DNER: variants seen among roughly 807,000 people sequenced by gnomAD.
DNER encodes the protein delta and Notch-like epidermal growth factor-related receptor.
Under a neutral mutation model 78.2 loss-of-function variants are expected in DNER, and 33 were observed. That is an observed-to-expected ratio of 0.42 (90% CI 0.32 to 0.56). The LOEUF is 0.56. Among genes scored for constraint, DNER ranks in the 20% least tolerant of loss-of-function variants. The probability of loss-of-function intolerance (pLI) is 0.11; values close to 1 mark genes in which losing one functional copy is unlikely to be tolerated. For synonymous variants in DNER, 417 were observed against 384.8 expected (o/e 1.08, Z -0.98); for missense variants, 918 against 975.3 (o/e 0.94, Z 0.78).
At chr2:229,377,389 A>G (rs527993016) in intron 11 of DNER, among the ~76,000 whole-genome samples, 1 of 152,264 alleles carries the variant, frequency 6.6e-6, no homozygotes, top group South Asian at 2.1e-4. Context: ...ACACACCAAC[A>G]CTGCTATGTC....
chr2:229,626,971 G>T (rs570649369), intron 1 of DNER, among the ~76,000 whole-genome samples: 3 of 152,328 alleles, frequency 2.0e-5, no homozygotes, highest in East Asian at 1.9e-4. Flanking sequence ...TATCAATCAC[G>T]TTGGAAAACT....
chr2:229,458,128 T>A, intron 7 of DNER, among the ~76,000 whole-genome samples: 2 of 50,032 alleles, frequency 4.0e-5, no homozygotes, highest in African/African-American at 9.6e-5. Flanking sequence ...AGAGCAAGAC[T>A]CTATCTCAAA....
chr2:229,569,454 A>G (rs1315541913), intron 4 of DNER, among the ~76,000 whole-genome samples: 1 of 152,162 alleles, frequency 6.6e-6, no homozygotes, highest in Non-Finnish European at 1.5e-5. Context: ...CCTGGGAGGC[A>G]GAGGTTGCAG....
chr2:229,587,621 C>T (rs921950344), intron 3 of DNER, among the ~76,000 whole-genome samples: 1 of 152,220 alleles, frequency 6.6e-6, no homozygotes, highest in Non-Finnish European at 1.5e-5. Context: ...TAAAAATCCC[C>T]AAAGACTGGA....
At chr2:229,635,949 T>A (rs908179146) in intron 1 of DNER, among the ~76,000 whole-genome samples, 12 of 151,696 alleles carry the variant, frequency 7.9e-5, no homozygotes, top group Non-Finnish European at 1.2e-4. Flanking sequence ...TTATATATAT[T>A]TTTTATATTG....
intron 1 of DNER, among the ~76,000 whole-genome samples, chr2:229,697,771 A>G (rs1211219468): frequency 2.0e-5 from 3 of 152,222 alleles, no homozygotes; most frequent in Non-Finnish European, 4.4e-5. Flanking sequence ...GCAGCCCTTC[A>G]TCAGGAGAAC....
intron 8 of DNER, among the ~76,000 whole-genome samples, chr2:229,443,296 T>G (rs1694274567): frequency 6.6e-6 from 1 of 152,190 alleles, no homozygotes; most frequent in Non-Finnish European, 1.5e-5. Context: ...ACAGCTATTA[T>G]CTGCAGAGGC....
In DNER at chr2:229,588,441, C is replaced by G. The variant is rs200771367; in HGVS notation, c.633G>C (p.Ala211=). The G allele has an allele frequency of 2.5e-6, 4 of 1,607,412 alleles. No individual in the cohort carries two copies. Among genetic ancestry groups the G allele is most frequent in the South Asian group, 2.2e-5 (2 of 90,776 alleles). Residue 211 remains alanine, a synonymous_variant, in exon 3 of 13, where the codon GCG becomes GCC. Coordinates refer to ENST00000341772, the MANE Select transcript of DNER (RefSeq NM_139072.4). ...CTTCAAAGGATACCAGGCGGCCACCCGCAGAGCTGTTAGAACTGGCATTCC... is the reference window on the plus strand; with the variant it reads ...CTTCAAAGGATACCAGGCGGCCACCGGCAGAGCTGTTAGAACTGGCATTCC... ...ACGNASSNSS[A]GGRLVSFEVP...
Position 229,447,379 on chromosome 2 carries a change from T to C in DNER, c.1423A>G (p.Ser475Gly), listed in dbSNP as rs1402064893. ...CAQLIDFCAL[S>G]PCAHGTCRSV... ...CGGCACGTGCCATGAGCACAGGGGC[T>C]GAGGGCACAGAAGTCAATAAGCTGG... Residue 475 changes from serine (S) to glycine (G), a missense_variant, in exon 8 of 13, where the codon AGC becomes GGC. By Grantham distance (56) the Ser-to-Gly change is moderately conservative. Transcript: ENST00000341772. 3.7e-6 allele frequency: 6 copies of C among 1,613,102 alleles called. No homozygotes were observed. The highest frequency in any genetic ancestry group is 1.3e-5 in the African/African-American group (1 of 75,032).
intron 1 of DNER, among the ~76,000 whole-genome samples, chr2:229,706,962 CTG>C (rs1559216357): frequency 1.3e-5 from 2 of 152,130 alleles, no homozygotes; most frequent in Admixed American, 6.5e-5. Flanking sequence ...GGGATGAGAA[CTG>C]TGCTTTGGCC....
chr2:229,528,832 T>C (rs1244538516), intron 5 of DNER, among the ~76,000 whole-genome samples: 1 of 152,176 alleles, frequency 6.6e-6, no homozygotes, highest in African/African-American at 2.4e-5. Flanking sequence ...TTCCAACCCT[T>C]ACTGAGATTG....
rs73998215 is a variant in DNER at position 229,405,955 on chromosome 2, G to T, written c.1723+1277C>A. 1.8e-3 allele frequency among the ~76,000 whole-genome samples: 273 copies of T among 152,304 alleles called. 1 individual carries two copies. Among genetic ancestry groups the T allele is most frequent in the African/African-American group, 6.5e-3 (269 of 41,556 alleles). Reference sequence around the variant, plus strand: ...CACTGGTGAGTATAAATGTCTGCGTGTGTTTATAAGCAAAACAAAGCCATC... The same window carrying T: ...CACTGGTGAGTATAAATGTCTGCGTTTGTTTATAAGCAAAACAAAGCCATC... On this transcript the variant is annotated intron_variant, in intron 10 of 12. Coordinates refer to ENST00000341772, the MANE Select transcript of DNER (RefSeq NM_139072.4).
At chr2:229,361,347 T>TA (rs201728822) in intron 12 of DNER, among the ~76,000 whole-genome samples, 73 of 150,644 alleles carry the variant, frequency 4.8e-4, no homozygotes, top group South Asian at 2.3e-3. Context: ...ATTTTAAATG[T>TA]AAAAAAAAAC....
chr2:229,408,956 G>A (rs951681353), intron 9 of DNER, among the ~76,000 whole-genome samples: 1 of 151,918 alleles, frequency 6.6e-6, no homozygotes, highest in Non-Finnish European at 1.5e-5. Flanking sequence ...CCACTGCCTC[G>A]TGCCTGGTGG....
intron 1 of DNER, among the ~76,000 whole-genome samples, chr2:229,626,437 G>A (rs560795786): frequency 1.3e-5 from 2 of 152,260 alleles, no homozygotes; most frequent in East Asian, 3.9e-4. Flanking sequence ...GATAGACAAA[G>A]CACAAATTTA....
Position 229,462,328 on chromosome 2 carries a change from C to A in DNER, c.1262-14788G>T, listed in dbSNP as rs139874701. On this transcript the variant is annotated intron_variant, in intron 7 of 12. Transcript: ENST00000341772. Reference sequence around the variant, plus strand: ...AAGGAAAATACAGAATAAAGTGACACTGGCATTTTTTGCTGACAGGGTAAA... The same window carrying A: ...AAGGAAAATACAGAATAAAGTGACAATGGCATTTTTTGCTGACAGGGTAAA... 4.2e-4 allele frequency among the ~76,000 whole-genome samples: 64 copies of A among 152,170 alleles called. 1 individual carries two copies. Among genetic ancestry groups the A allele is most frequent in the African/African-American group, 1.5e-3 (64 of 41,464 alleles).
Position 229,542,603 on chromosome 2 carries a change from T to C in DNER, c.993+4344A>G, listed in dbSNP as rs1696536895. ...ATACAGTTCTATTTGTTTTGTGCTATGGAGTGGATTCTTACATTGGGTGGA... is the reference window on the plus strand; with the variant it reads ...ATACAGTTCTATTTGTTTTGTGCTACGGAGTGGATTCTTACATTGGGTGGA... On this transcript the variant is annotated intron_variant, in intron 5 of 12. Transcript: ENST00000341772. Among the ~76,000 whole-genome samples, 3 of 152,152 alleles carry C rather than the reference T, an allele frequency of 2.0e-5. No individual in the cohort carries two copies. In the South Asian group the frequency reaches 6.2e-4, roughly 32 times the overall value.
intron 8 of DNER, among the ~76,000 whole-genome samples, chr2:229,430,751 G>A (rs2106354915): frequency 6.6e-6 from 1 of 150,762 alleles, no homozygotes; most frequent in East Asian, 1.9e-4. Flanking sequence ...TAATACACAT[G>A]TTTTATGGGT....
intron 8 of DNER, among the ~76,000 whole-genome samples, chr2:229,424,091 A>G (rs1693821950): frequency 6.6e-6 from 1 of 152,208 alleles, no homozygotes; most frequent in Non-Finnish European, 1.5e-5. Context: ...GATTCGATGC[A>G]CTTTTAAAAT....
Sources: gnomAD v4.1 joint callset for allele counts (sites outside exome capture counted in the v4.1 genomes callset) on GRCh38, gnomAD v4.1.1 for gene constraint, MANE v1.5 for transcripts, NCBI Gene and HGNC (gene_info 2026-07-23, HGNC 2026-07-21) for gene names.